The following TULP4 variants were observed in gnomAD, a reference collection of about 807,000 sequenced individuals.
TULP4 encodes the protein tubby-related protein 4.
A neutral mutation model predicts 129.0 loss-of-function variants in TULP4; 16 were observed. The ratio of observed to expected loss-of-function variants is 0.12; its 90% CI spans 0.08 to 0.19. The LOEUF (loss-of-function observed/expected upper bound fraction) is 0.19, where lower values mean the gene tolerates loss of function less well. TULP4 is among the 10% of genes least tolerant of loss of function. The pLI, the probability that TULP4 is intolerant of heterozygous loss-of-function variation, is 1.00. For synonymous variants in TULP4, 998 were observed against 854.0 expected (o/e 1.17, Z -2.94); for missense variants, 1,842 against 2,059.1 (o/e 0.89, Z 2.04).
chr6:158,354,516 G>A (rs932187948), intron 1 of TULP4, among the ~76,000 whole-genome samples: 8 of 152,118 alleles, frequency 5.3e-5, no homozygotes, highest in Admixed American at 2.0e-4. Flanking sequence ...TACTTAACAC[G>A]GTATCAGCTT....
intron 1 of TULP4, among the ~76,000 whole-genome samples, chr6:158,406,010 C>T (rs993387898): frequency 8.5e-5 from 13 of 152,296 alleles, no homozygotes; most frequent in African/African-American, 3.1e-4. Context: ...GAAGTGGCTC[C>T]TCTGAGTGTT....
chr6:158,349,919 C>T (rs1318761842), intron 1 of TULP4, among the ~76,000 whole-genome samples: 7 of 129,008 alleles, frequency 5.4e-5, no homozygotes, highest in African/African-American at 9.2e-5. Context: ...CGGGCAGAGG[C>T]ACTCCCCACT....
rs71030171 is a variant in TULP4 at position 158,444,219 on chromosome 6, C to CAAAAAAA, written c.544-4756_544-4750dup. Among the ~76,000 whole-genome samples, 17 of 34,138 alleles carry CAAAAAAA rather than the reference C, an allele frequency of 5.0e-4. 3 individuals carry two copies. The highest frequency in any genetic ancestry group is 1.8e-3 in the African/African-American group (16 of 8,724). The allele number at this position is 34,138 out of a possible 152,430, so 22.4% of individuals were successfully genotyped here. ...TGGGCGACAGAGCAAGACTCTGTCT[C>CAAAAAAA]AAAAAAAAAAAAAAAAAAAAAAAAA... On this transcript the variant is annotated intron_variant, in intron 3 of 13. Coordinates refer to ENST00000367097, the MANE Select transcript of TULP4 (RefSeq NM_020245.5).
intron 2 of TULP4, among the ~76,000 whole-genome samples, chr6:158,426,142 C>T (rs1778486640): frequency 6.6e-6 from 1 of 152,080 alleles, no homozygotes; most frequent in African/African-American, 2.4e-5. Flanking sequence ...CAGATGCGTA[C>T]TTTGTAAAAT....
At chr6:158,457,925 G>GAA (rs5881264) in intron 5 of TULP4, among the ~76,000 whole-genome samples, 4 of 150,458 alleles carry the variant, frequency 2.7e-5, no homozygotes, top group Admixed American at 2.0e-4. Flanking sequence ...CTTCTTAAAG[G>GAA]AAAAAAAAAT....
At chr6:158,281,956 A>AG (rs1778761743), upstream of TULP4, among the ~76,000 whole-genome samples, 1 of 152,136 alleles carries the variant, frequency 6.6e-6, no homozygotes, top group Non-Finnish European at 1.5e-5. Flanking sequence ...GATTTGTGTA[A>AG]TCTATCCTGA....
At chr6:158,495,603 G>T (rs1780318936) in intron 11 of TULP4, among the ~76,000 whole-genome samples, 1 of 152,180 alleles carries the variant, frequency 6.6e-6, no homozygotes, top group South Asian at 2.1e-4. Flanking sequence ...AGCACTTTGG[G>T]AATACAAGGT....
At chr6:158,482,586 C>T (rs943342135) in intron 8 of TULP4, among the ~76,000 whole-genome samples, 2 of 151,996 alleles carry the variant, frequency 1.3e-5, no homozygotes, top group African/African-American at 2.4e-5. Flanking sequence ...CGCATGTTCA[C>T]GTGGGAGGGA....
intron 1 of TULP4, among the ~76,000 whole-genome samples, chr6:158,296,648 GTTCT>G (rs1779038595): frequency 6.6e-6 from 1 of 151,434 alleles, no homozygotes; most frequent in African/African-American, 2.4e-5. Context: ...TTCAACGTAG[GTTCT>G]TTCTATTTTC....
chr6:158,347,319 A>G (rs1780336193), intron 1 of TULP4, among the ~76,000 whole-genome samples: 1 of 152,218 alleles, frequency 6.6e-6, no homozygotes, highest in South Asian at 2.1e-4. Flanking sequence ...ATATGTATAG[A>G]AATCTGTAAG....
chr6:158,494,370 A>T (rs1285809361), intron 10 of TULP4, among the ~76,000 whole-genome samples: 1 of 152,264 alleles, frequency 6.6e-6, no homozygotes, highest in Non-Finnish European at 1.5e-5. Context: ...TAAAAATTTA[A>T]TTGAATGAGA....
At chr6:158,434,478 G>A (rs1447617998) in intron 3 of TULP4, among the ~76,000 whole-genome samples, 2 of 152,178 alleles carry the variant, frequency 1.3e-5, no homozygotes, top group Non-Finnish European at 2.9e-5. Flanking sequence ...GAGTAATGCT[G>A]CAACAGTGAA....
intron 1 of TULP4, among the ~76,000 whole-genome samples, chr6:158,352,405 G>T (rs573270669): frequency 6.6e-6 from 1 of 152,218 alleles, no homozygotes; most frequent in South Asian, 2.1e-4. Flanking sequence ...ACTGACACTG[G>T]TTCTTTTTTT....
chr6:158,486,426 G>A (rs1430916369), intron 8 of TULP4, among the ~76,000 whole-genome samples: 1 of 152,086 alleles, frequency 6.6e-6, no homozygotes, highest in East Asian at 1.9e-4. Flanking sequence ...GGTGGCGGGT[G>A]CATGTAGTCC....
In TULP4 at chr6:158,499,157, TA is replaced by T. The variant is rs535341560; in HGVS notation, c.2014+349del. Among the ~76,000 whole-genome samples, 17 of 152,316 alleles carry T rather than the reference TA, an allele frequency of 1.1e-4. No individual in the cohort carries two copies. In the East Asian group the frequency reaches 3.3e-3, roughly 29 times the overall value. On this transcript the variant is annotated intron_variant, in intron 12 of 13. Coordinates refer to ENST00000367097, the MANE Select transcript of TULP4 (RefSeq NM_020245.5). The stretch of plus-strand genomic sequence containing the variant: ...GTTTGCAGGACTGATTGGGACTAAA[TA>T]AAATCAGAACTGAGACTCAATCTCA...
rs909533325 is a variant in TULP4, at chr6:158,461,323, A to G, written c.860-240A>G. Among the ~76,000 whole-genome samples, 16 of 151,962 alleles carry G rather than the reference A, an allele frequency of 1.1e-4. 1 individual carries two copies. The highest frequency in any genetic ancestry group is 5.2e-4 in the Admixed American group (8 of 15,256). The stretch of plus-strand genomic sequence containing the variant: ...CTACTCGGGAGGCTGAGGCAGGAGA[A>G]TCGCTTGAACCCAGGAGGCGGAGGT... On this transcript the variant is annotated intron_variant, in intron 5 of 13. Transcript: ENST00000367097.
At chr6:158,489,818 AC>A in intron 9 of TULP4, 86 bp downstream of exon 9, 1 of 1,521,390 alleles carries the variant, frequency 6.6e-7, no homozygotes, top group Non-Finnish European at 8.9e-7. Flanking sequence ...ATTGAAACTG[AC>A]CAGAAGAGTC....
rs949866103 is a variant in TULP4 at position 158,410,771 on chromosome 6, TAAAA to T, written c.253-2288_253-2285del. On this transcript the variant is annotated intron_variant, in intron 1 of 13. Coordinates refer to ENST00000367097, the MANE Select transcript of TULP4 (RefSeq NM_020245.5). ...GACTTTTGTTGATGTTGGTCTAACTTAAAAAAAAATCAGTAATTCTAATACAGGA... is the reference window on the plus strand; with the variant it reads ...GACTTTTGTTGATGTTGGTCTAACTTAAAAATCAGTAATTCTAATACAGGA... 7.3e-5 allele frequency among the ~76,000 whole-genome samples: 11 copies of T among 151,686 alleles called. No individual in the cohort carries two copies. The East Asian group carries it at 1.5e-3, about 21-fold the overall frequency.
rs1780255165 is a variant in TULP4, at chr6:158,493,247, G to A, written c.1632-326G>A. 6.6e-6 allele frequency among the ~76,000 whole-genome samples: 1 copy of A among 152,128 alleles called. No homozygotes were observed. ...CAGGCTCAAGTGGAGTTGTGTAATC[G>A]TAGCTCATTGCAGCCTTGAACTCCT... On this transcript the variant is annotated intron_variant, in intron 9 of 13. Coordinates refer to ENST00000367097, the MANE Select transcript of TULP4 (RefSeq NM_020245.5). This position sits in a 1 kb window ranked among gnomAD's most constrained non-coding sequence, Gnocchi z 4.4.
Sources: allele counts gnomAD v4.1 joint callset (sites outside exome capture counted in the v4.1 genomes callset), GRCh38; gene constraint gnomAD v4.1.1; non-coding constraint Gnocchi (gnomAD v3.1); transcripts MANE v1.5; gene names NCBI Gene and HGNC (gene_info 2026-07-23, HGNC 2026-07-21).